The following KIAA2012 variants were observed in gnomAD, a reference collection of about 807,000 sequenced individuals.
KIAA2012 encodes uncharacterized protein KIAA2012.
KIAA2012 carries 125 observed loss-of-function variants against 150.6 expected under a neutral mutation model. That is an observed-to-expected ratio of 0.83 (90% CI 0.72 to 0.96). The LOEUF (loss-of-function observed/expected upper bound fraction) is 0.96. Ranked by LOEUF, KIAA2012 falls within the 40% of genes least tolerant of loss-of-function variation. The probability of loss-of-function intolerance (pLI) is 0.00; values close to 1 mark genes in which losing one functional copy is unlikely to be tolerated. For missense variants in KIAA2012, 1,219 were observed against 1,354.9 expected (o/e 0.90, Z 1.57); for synonymous variants, 462 against 504.7 (o/e 0.92, Z 1.13).
intron 15 of KIAA2012, among the ~76,000 whole-genome samples, chr2:202,180,702 G>T (rs750021267): frequency 1.4e-4 from 22 of 152,098 alleles, no homozygotes; most frequent in Non-Finnish European, 2.8e-4. Context: ...GTGCATGCGT[G>T]TAACCCCTGC....
At chr2:202,179,430 T>G in intron 15 of KIAA2012, 1 of 726,196 alleles carries the variant, frequency 1.4e-6, no homozygotes, top group Non-Finnish European at 2.6e-6. Context: ...GGTGTGGTAT[T>G]AGCAACCGAG....
chr2:202,121,158 G>A (rs1385245013), intron 11 of KIAA2012, among the ~76,000 whole-genome samples: 1 of 152,184 alleles, frequency 6.6e-6, no homozygotes, highest in African/African-American at 2.4e-5. Context: ...TTCCATATGG[G>A]ATGATGGAGT....
At chr2:202,183,794 A>G (rs1692172804) in intron 15 of KIAA2012, among the ~76,000 whole-genome samples, 1 of 152,156 alleles carries the variant, frequency 6.6e-6, no homozygotes, top group Admixed American at 6.6e-5. Context: ...GCGTGAGCCT[A>G]ACATTTGTTT....
At chr2:202,133,109 A>AAAAAAAAAAAAT (rs766606713) in intron 12 of KIAA2012, among the ~76,000 whole-genome samples, 1 of 87,880 alleles carries the variant, frequency 1.1e-5, no homozygotes, top group Non-Finnish European at 2.2e-5. Context: ...TCTAAAAAAA[A>AAAAAAAAAAAAT]ATATATATAT....
At chr2:202,147,983 A>T (rs999319085) in intron 13 of KIAA2012, among the ~76,000 whole-genome samples, 1 of 152,150 alleles carries the variant, frequency 6.6e-6, no homozygotes, top group East Asian at 1.9e-4. Context: ...GGCAGAAGAG[A>T]TCACTGTTTT....
At chr2:202,194,010 CG>C (rs1320760965) in intron 20 of KIAA2012, among the ~76,000 whole-genome samples, 179 bp from the exon 21 acceptor site, 1 of 152,220 alleles carries the variant, frequency 6.6e-6, no homozygotes, top group African/African-American at 2.4e-5. Flanking sequence ...GTTTCAAGCC[CG>C]CTGGGCTCTT....
chr2:202,099,537 C>G, intron 5 of KIAA2012, 76 bp from the exon 6 acceptor site: 1 of 1,219,512 alleles, frequency 8.2e-7, no homozygotes, highest in Non-Finnish European at 1.1e-6. Flanking sequence ...AGCCTAGCCA[C>G]AAGGGCTGTT....
intron 2 of KIAA2012, among the ~76,000 whole-genome samples, chr2:202,082,827 T>C (rs1301582235): frequency 6.8e-6 from 1 of 146,106 alleles, no homozygotes; most frequent in Admixed American, 7.1e-5. Flanking sequence ...TTGTAAATGG[T>C]GTACGGTAAG....
intron 16 of KIAA2012, among the ~76,000 whole-genome samples, chr2:202,185,951 G>A (rs891301274): frequency 3.9e-5 from 6 of 152,094 alleles, no homozygotes; most frequent in Admixed American, 6.6e-5. Flanking sequence ...TCTACAGTAA[G>A]GCCCCGTGCT....
intron 15 of KIAA2012, among the ~76,000 whole-genome samples, chr2:202,168,337 T>C (rs1691815358): frequency 6.7e-6 from 1 of 149,280 alleles, no homozygotes. Context: ...GAGAATCACT[T>C]GAACCCGGGA....
At chr2:202,201,838 G>T in intron 22 of KIAA2012, 1 of 1,284,346 alleles carries the variant, frequency 7.8e-7, no homozygotes, top group Non-Finnish European at 1.1e-6. Flanking sequence ...TTCCCAGGAG[G>T]CTGCACAGGC....
At chr2:202,139,673 G>A (rs978926799) in intron 13 of KIAA2012, among the ~76,000 whole-genome samples, 4 of 152,330 alleles carry the variant, frequency 2.6e-5, no homozygotes, top group Admixed American at 2.0e-4. Flanking sequence ...GAGGTGAAAC[G>A]CAGCTGAGCG....
chr2:202,190,346 C>T lies in KIAA2012; in HGVS notation c.2664C>T (p.Ser888=). The change falls in exon 19 of 24, where the codon TCC becomes TCT. Residue 888 remains serine, a synonymous_variant. Transcript: ENST00000498697. The part of the protein sequence containing the change: ...TSNRGSFASD[S]FVEDPWLSPK... ...ATAGAGGTTCCTTTGCCTCAGACTC[C>T]TTTGTAGAGGACCCTTGGCTTTCTC... is the stretch of plus-strand genomic sequence containing the variant. 1 of 1,550,576 alleles carries T rather than the reference C, an allele frequency of 6.4e-7. No homozygotes were observed. Among genetic ancestry groups the T allele is most frequent in the South Asian group, 1.2e-5 (1 of 84,048 alleles).
chr2:202,130,307 T>C (rs1049053255), intron 12 of KIAA2012, among the ~76,000 whole-genome samples: 5 of 152,204 alleles, frequency 3.3e-5, no homozygotes, highest in African/African-American at 1.2e-4. Flanking sequence ...AATCTAAGGA[T>C]TCTTAAAATT....
At position 202,156,814 on chromosome 2, in the gene KIAA2012, G is replaced by A. The variant is rs58119959; in HGVS notation, c.2046+2004G>A. Among the ~76,000 whole-genome samples, 482 of 152,250 alleles carry A rather than the reference G, an allele frequency of 3.2e-3. 3 individuals are homozygous for A. Among genetic ancestry groups the A allele is most frequent in the African/African-American group, 9.8e-3 (406 of 41,534 alleles). Reference sequence around the variant, plus strand: ...GCAGGAGAATGGCATGAACCCGGGAGGTGGAGCTTGCAGTGAGCCCAGATC... The same window carrying A: ...GCAGGAGAATGGCATGAACCCGGGAAGTGGAGCTTGCAGTGAGCCCAGATC... On this transcript the variant is annotated intron_variant, in intron 14 of 23. Coordinates refer to ENST00000498697, the MANE Select transcript of KIAA2012 (RefSeq NM_001277372.4).
chr2:202,170,283 G>A (rs1358766185), intron 15 of KIAA2012, among the ~76,000 whole-genome samples: 1 of 152,190 alleles, frequency 6.6e-6, no homozygotes, highest in African/African-American at 2.4e-5. Flanking sequence ...TGGGCCTCTG[G>A]AGGCTTCCAC....
intron 15 of KIAA2012, chr2:202,178,881 A>G (rs1692054582): frequency 9.7e-6 from 2 of 206,734 alleles, no homozygotes; most frequent in South Asian, 1.6e-4. Flanking sequence ...CAAAGTTGCA[A>G]AGAAGCTCCT....
chr2:202,197,124 C>T, intron 22 of KIAA2012, 105 bp downstream of exon 22: 1 of 1,501,366 alleles, frequency 6.7e-7, no homozygotes, highest in South Asian at 1.3e-5. Context: ...AAAAGTCCCC[C>T]CACCCCCAGC....
In KIAA2012 at chr2:202,099,615, C is replaced by T; in HGVS notation, c.831C>T (p.Asp277=). The T allele has an allele frequency of 6.5e-7, 1 of 1,548,118 alleles. No individual in the cohort carries two copies. ...AATGTGTATCTGTCGTTCCCTAGGACACGTCAATAGAGAATCACCTTTGTT... is the reference window on the plus strand; with the variant it reads ...AATGTGTATCTGTCGTTCCCTAGGATACGTCAATAGAGAATCACCTTTGTT... ...PWQEDETQAE[D]TSIENHLCLY... Residue 277 remains aspartate (D), a splice_region_variant and synonymous_variant, in exon 6 of 24, where the codon GAC becomes GAT. Coordinates refer to ENST00000498697, the MANE Select transcript of KIAA2012 (RefSeq NM_001277372.4).
Sources: allele counts gnomAD v4.1 joint callset (sites outside exome capture counted in the v4.1 genomes callset), GRCh38; gene constraint gnomAD v4.1.1; transcripts MANE v1.5; gene names NCBI Gene and HGNC (gene_info 2026-07-23, HGNC 2026-07-21).